CELF4: variants seen among roughly 807,000 people sequenced by gnomAD.
The protein encoded by CELF4 is CUG-BP- and ETR-3-like factor 4.
A neutral mutation model predicts 59.9 loss-of-function variants in CELF4; 18 were observed. The ratio of observed to expected loss-of-function variants is 0.30; its 90% confidence interval spans 0.21 to 0.45. The LOEUF (loss-of-function observed/expected upper bound fraction) is 0.45. Ranked by LOEUF, CELF4 falls within the 20% of genes least tolerant of loss-of-function variation. The probability of loss-of-function intolerance (pLI) is 1.00; values close to 1 mark genes in which losing one functional copy is unlikely to be tolerated. For synonymous variants in CELF4, 261 were observed against 267.1 expected (o/e 0.98, Z 0.22); for missense variants, 456 against 689.0 (o/e 0.66, Z 3.79).
Position 37,464,549 on chromosome 18 carries a change from T to A in CELF4, c.369+20976A>T, listed in dbSNP as rs573160756. On this transcript the variant is annotated intron_variant, in intron 2 of 12. Transcript: ENST00000420428. ...GCTTTGTCCATTTCTGTCCCATGACTCAGGACTCTGCCTGGGGTGGGCTTG... is the reference window on the plus strand; with the variant it reads ...GCTTTGTCCATTTCTGTCCCATGACACAGGACTCTGCCTGGGGTGGGCTTG... Among the ~76,000 whole-genome samples the A allele has an allele frequency of 8.5e-5, 13 of 152,282 alleles. No homozygotes were observed. The East Asian group carries it at 2.5e-3, about 29-fold the overall frequency.
chr18:37,261,675 G>T (rs888243205), intron 10 of CELF4, among the ~76,000 whole-genome samples: 1 of 152,248 alleles, frequency 6.6e-6, no homozygotes, highest in Non-Finnish European at 1.5e-5. Flanking sequence ...TGGTGAAGCG[G>T]AGCTGCAGAG....
At chr18:37,475,056 C>T (rs1419275826) in intron 2 of CELF4, among the ~76,000 whole-genome samples, 1 of 152,216 alleles carries the variant, frequency 6.6e-6, no homozygotes, top group Non-Finnish European at 1.5e-5. Context: ...GTATGATTGA[C>T]ATTGGCTCTA....
At chr18:37,250,057 G>A (rs1222723979) in intron 12 of CELF4, among the ~76,000 whole-genome samples, 8 of 152,188 alleles carry the variant, frequency 5.3e-5, no homozygotes, top group African/African-American at 1.9e-4. Context: ...CTGGGGCCCA[G>A]TGTGTCTGGT....
chr18:37,524,868 G>C (rs1034580740), intron 1 of CELF4, among the ~76,000 whole-genome samples: 1 of 152,162 alleles, frequency 6.6e-6, no homozygotes, highest in Non-Finnish European at 1.5e-5. Flanking sequence ...ATGGGGCGCA[G>C]CCGGGCTGGG....
chr18:37,293,812 T>C (rs1215805941), intron 3 of CELF4, among the ~76,000 whole-genome samples: 1 of 152,206 alleles, frequency 6.6e-6, no homozygotes, highest in African/African-American at 2.4e-5. Context: ...TTCATGTCTA[T>C]GGCTATTTCT....
intron 1 of CELF4, among the ~76,000 whole-genome samples, chr18:37,547,187 G>GTA (rs2099981726): frequency 6.6e-6 from 1 of 151,694 alleles, no homozygotes; most frequent in Non-Finnish European, 1.5e-5. Flanking sequence ...GTGTGTGTGT[G>GTA]TGTATTCTCT....
intron 2 of CELF4, among the ~76,000 whole-genome samples, chr18:37,323,082 G>A (rs918547269): frequency 5.9e-5 from 9 of 152,150 alleles, no homozygotes; most frequent in Admixed American, 1.3e-4. Context: ...TCTAGGACTC[G>A]AAGTGAGTTT....
intron 2 of CELF4, among the ~76,000 whole-genome samples, chr18:37,357,235 G>T (rs79404592): frequency 2.0e-5 from 3 of 152,000 alleles, no homozygotes; most frequent in African/African-American, 7.2e-5. Flanking sequence ...AACAGCAAGC[G>T]AAAAGGCAAG....
intron 1 of CELF4, among the ~76,000 whole-genome samples, chr18:37,536,263 C>G (rs1036920426): frequency 6.6e-6 from 1 of 152,034 alleles, no homozygotes; most frequent in African/African-American, 2.4e-5. Context: ...CCAGGGAAAG[C>G]TGAGAACTGC....
chr18:37,488,613 G>A (rs1339541675), intron 1 of CELF4, among the ~76,000 whole-genome samples: 1 of 152,072 alleles, frequency 6.6e-6, no homozygotes, highest in Non-Finnish European at 1.5e-5. Flanking sequence ...AGAGCTCCCA[G>A]GAGCCTGTTG....
chr18:37,323,278 G>A (rs970037460), intron 2 of CELF4, among the ~76,000 whole-genome samples: 1 of 152,222 alleles, frequency 6.6e-6, no homozygotes, highest in African/African-American at 2.4e-5. Context: ...CCAGCCCACC[G>A]AGAGGGGCGA....
At chr18:37,308,302 C>T (rs2096520096) in intron 3 of CELF4, among the ~76,000 whole-genome samples, 1 of 150,880 alleles carries the variant, frequency 6.6e-6, no homozygotes, top group African/African-American at 2.5e-5. Flanking sequence ...TTCCCTGAAA[C>T]CTCTTCTCTG....
At chr18:37,284,634 G>A (rs1054171117) in intron 3 of CELF4, among the ~76,000 whole-genome samples, 2 of 152,134 alleles carry the variant, frequency 1.3e-5, no homozygotes, top group East Asian at 1.9e-4. Flanking sequence ...CCCAGTCAAC[G>A]CCACCTCCCT....
intron 11 of CELF4, among the ~76,000 whole-genome samples, chr18:37,256,072 G>T (rs922359218): frequency 1.3e-5 from 2 of 152,166 alleles, no homozygotes; most frequent in African/African-American, 4.8e-5. Flanking sequence ...CCTGCAGACT[G>T]GAGGCCCCTG....
chr18:37,243,824 C>T lies in CELF4; in HGVS notation c.*1418G>A, dbSNP rs2061075094. The T allele has an allele frequency of 6.0e-6, 1 of 167,540 alleles. No homozygotes were observed. The highest frequency in any genetic ancestry group is 1.3e-5 in the Non-Finnish European group (1 of 77,572). 10.4% of individuals were successfully genotyped at this position (167,540 alleles called of 1,614,324 possible). On this transcript the variant is annotated 3_prime_UTR_variant, in exon 13 of 13. Coordinates refer to ENST00000420428, the MANE Select transcript of CELF4 (RefSeq NM_020180.4). ...CCCAGTTCTCCCTTGCCCGGAAAGT[C>T]TCTGGAGCAAGCGTGGAAGGCGAGT...
At chr18:37,527,073 C>T (rs2099964720) in intron 1 of CELF4, among the ~76,000 whole-genome samples, 1 of 151,990 alleles carries the variant, frequency 6.6e-6, no homozygotes, top group African/African-American at 2.4e-5. Context: ...TTTAGCAGAA[C>T]CCTCAACCTA....
chr18:37,270,868 T>A lies in CELF4; in HGVS notation c.999A>T (p.Pro333=). ...TGAAGCCATTCACCCCAATGGGGGA[T>A]GGGATGCTAGGCACGGCTGGTGCAG... ...GITAPAVPSI[P]SPIGVNGFTG... is the part of the protein sequence containing the mutation. The change falls in exon 8 of 13, where the codon CCA becomes CCT. Residue 333 remains proline (P), a synonymous_variant. Transcript: ENST00000420428. 2 of 1,613,504 alleles carry A rather than the reference T, an allele frequency of 1.2e-6. No individual in the cohort carries two copies. Among genetic ancestry groups the A allele is most frequent in the Non-Finnish European group, 1.7e-6 (2 of 1,179,904 alleles).
intron 2 of CELF4, among the ~76,000 whole-genome samples, chr18:37,421,535 CT>C (rs528980641): frequency 3.5e-4 from 49 of 140,138 alleles, no homozygotes; most frequent in African/African-American, 1.0e-3. Context: ...ACGGCCACCC[CT>C]GTCCTTGATT....
At chr18:37,276,899 A>C (rs2093389273) in intron 3 of CELF4, among the ~76,000 whole-genome samples, 1 of 152,224 alleles carries the variant, frequency 6.6e-6, no homozygotes, top group African/African-American at 2.4e-5. Flanking sequence ...CCAAAACTGC[A>C]AATGGCCATG....
Sources: gnomAD v4.1 joint callset for allele counts (sites outside exome capture counted in the v4.1 genomes callset) on GRCh38, gnomAD v4.1.1 for gene constraint, MANE v1.5 for transcripts, NCBI Gene and HGNC (gene_info 2026-07-23, HGNC 2026-07-21) for gene names.